The following FARP1 variants were observed in gnomAD, a reference collection of about 807,000 sequenced individuals.
FARP1 encodes the protein FERM, ARHGEF and pleckstrin domain-containing protein 1.
Under a neutral mutation model 128.8 loss-of-function variants are expected in FARP1, and 52 were observed. The observed-to-expected ratio is 0.40, with a 90% confidence interval of 0.32 to 0.51. The LOEUF (loss-of-function observed/expected upper bound fraction) is 0.51. Among genes scored for constraint, FARP1 ranks in the 20% least tolerant of loss-of-function variants. FARP1 has a pLI of 0.45. For missense variants in FARP1, 1,333 were observed against 1,367.9 expected (o/e 0.97, Z 0.40); for synonymous variants, 580 against 551.8 (o/e 1.05, Z -0.72).
chr13:98,208,777 A>AT (rs1425206471), intron 1 of FARP1, among the ~76,000 whole-genome samples: 1 of 152,072 alleles, frequency 6.6e-6, no homozygotes, highest in African/African-American at 2.4e-5. Flanking sequence ...GTCGCTGTGG[A>AT]TGTGATCCCA....
chr13:98,309,587 G>T (rs1886359706), intron 2 of FARP1, among the ~76,000 whole-genome samples: 1 of 152,222 alleles, frequency 6.6e-6, no homozygotes, highest in Non-Finnish European at 1.5e-5. Context: ...GTAGGAAGCA[G>T]AAGAGGCTGG....
intron 26 of FARP1, 82 bp from the exon 27 acceptor site, chr13:98,448,154 G>GTGTTTC: frequency 8.3e-7 from 1 of 1,207,154 alleles, no homozygotes; most frequent in Non-Finnish European, 1.2e-6. Context: ...ACTTCACCTT[G>GTGTTTC]TGTTTCTGTA....
chr13:98,346,076 C>T (rs1378047870), intron 3 of FARP1, among the ~76,000 whole-genome samples: 3 of 152,048 alleles, frequency 2.0e-5, no homozygotes, highest in South Asian at 2.1e-4. Flanking sequence ...GATTGAAGCT[C>T]GGATCTGTAG....
chr13:98,285,128 T>A (rs1282081371), intron 2 of FARP1, among the ~76,000 whole-genome samples: 6 of 152,182 alleles, frequency 3.9e-5, no homozygotes, highest in African/African-American at 1.2e-4. Flanking sequence ...TGCATTCCAT[T>A]CAATCAAGCA....
At chr13:98,143,653 C>T (rs1233261304) in intron 1 of FARP1, among the ~76,000 whole-genome samples, 161 bp downstream of exon 1, 1 of 150,846 alleles carries the variant, frequency 6.6e-6, no homozygotes, top group Non-Finnish European at 1.5e-5. Context: ...CCTGCGCAGT[C>T]GGGCGGCGGG....
chr13:98,329,048 A>G (rs1887364889), intron 2 of FARP1: 1 of 152,248 alleles, frequency 6.6e-6, no homozygotes, highest in Non-Finnish European at 1.5e-5. Flanking sequence ...CGATGGAGTC[A>G]TATATTTAAT....
chr13:98,445,975 G>A (rs184824214), intron 24 of FARP1, 123 bp from the exon 25 acceptor site: 25 of 643,418 alleles, frequency 3.9e-5, no homozygotes, highest in African/African-American at 3.8e-4. Flanking sequence ...AGCGGGGGTG[G>A]GGCCCACATC....
At chr13:98,263,218 G>A (rs993417726) in intron 2 of FARP1, among the ~76,000 whole-genome samples, 1 of 152,024 alleles carries the variant, frequency 6.6e-6, no homozygotes, top group Non-Finnish European at 1.5e-5. Flanking sequence ...ATGTTGGTCA[G>A]GCTGGTCTCA....
In FARP1 at chr13:98,410,725, G is replaced by A. The variant is rs755516837; in HGVS notation, c.1603-9G>A. The A allele has an allele frequency of 1.2e-4, 183 of 1,537,738 alleles. No homozygotes were observed. The highest frequency in any genetic ancestry group is 1.6e-4 in the Non-Finnish European group (175 of 1,115,820). ...TATTGCGCTTTGTTTCTTTTGCTGG[G>A]TTTTGCAGAGATTCCCAACTGATAA... On this transcript the variant is annotated splice_polypyrimidine_tract_variant and intron_variant, in intron 14 of 26. Coordinates refer to ENST00000319562, the MANE Select transcript of FARP1 (RefSeq NM_005766.4).
intron 1 of FARP1, among the ~76,000 whole-genome samples, chr13:98,167,259 A>G (rs1306680964): frequency 1.3e-5 from 2 of 152,166 alleles, no homozygotes; most frequent in African/African-American, 4.8e-5. Context: ...TCCTTTGTAT[A>G]TGGAGAAAAT....
chr13:98,335,043 T>C (rs1439859420), intron 2 of FARP1, among the ~76,000 whole-genome samples: 1 of 152,234 alleles, frequency 6.6e-6, no homozygotes, highest in African/African-American at 2.4e-5. Flanking sequence ...TCAAGTGGGC[T>C]ACTTCTAAAA....
intron 1 of FARP1, among the ~76,000 whole-genome samples, chr13:98,197,474 A>G (rs1349852156): frequency 6.6e-6 from 1 of 152,142 alleles, no homozygotes; most frequent in East Asian, 1.9e-4. Flanking sequence ...CTCAAAAAAA[A>G]GAAGATGATG....
chr13:98,156,807 C>T (rs1037416082), intron 1 of FARP1, among the ~76,000 whole-genome samples: 1 of 152,154 alleles, frequency 6.6e-6, no homozygotes, highest in Admixed American at 6.5e-5. Flanking sequence ...AATCCTCCTG[C>T]CTTGGCATCC....
At chr13:98,416,447 C>G (rs1389052297) in intron 16 of FARP1, among the ~76,000 whole-genome samples, 1 of 152,164 alleles carries the variant, frequency 6.6e-6, no homozygotes, top group Non-Finnish European at 1.5e-5. Context: ...CTCAGTTCAG[C>G]AAACACACCT....
chr13:98,282,319 A>G (rs1196840804), intron 2 of FARP1, among the ~76,000 whole-genome samples: 1 of 152,040 alleles, frequency 6.6e-6, no homozygotes, highest in Non-Finnish European at 1.5e-5. Flanking sequence ...CAAAAACCCC[A>G]TGATTAACAA....
intron 17 of FARP1, among the ~76,000 whole-genome samples, chr13:98,427,731 C>T (rs1454989484): frequency 2.6e-5 from 4 of 152,162 alleles, no homozygotes; most frequent in Non-Finnish European, 4.4e-5. Context: ...TCTTTCTCCT[C>T]GGTCTGGGGA....
chr13:98,372,232 A>C (rs886871852), intron 5 of FARP1, among the ~76,000 whole-genome samples: 2 of 152,006 alleles, frequency 1.3e-5, no homozygotes, highest in Non-Finnish European at 2.9e-5. Flanking sequence ...GACTACAGGC[A>C]CGTGCCACCA....
chr13:98,250,208 A>G (rs1883254585), intron 2 of FARP1, among the ~76,000 whole-genome samples: 1 of 152,216 alleles, frequency 6.6e-6, no homozygotes, highest in African/African-American at 2.4e-5. Context: ...TGAGTCTGTC[A>G]TTCTTTAAAA....
At chr13:98,324,983 C>A (rs1200558029) in intron 2 of FARP1, among the ~76,000 whole-genome samples, 1 of 152,212 alleles carries the variant, frequency 6.6e-6, no homozygotes, top group Admixed American at 6.5e-5. Flanking sequence ...TTTTTTGAGG[C>A]CTTAACACAG....
Sources: gnomAD v4.1 joint callset for allele counts (sites outside exome capture counted in the v4.1 genomes callset) on GRCh38, gnomAD v4.1.1 for gene constraint, MANE v1.5 for transcripts, NCBI Gene and HGNC (gene_info 2026-07-23, HGNC 2026-07-21) for gene names.